The following RASGRF2 variants were observed in gnomAD, a reference collection of about 807,000 sequenced individuals.
RASGRF2 encodes Ras protein specific guanine nucleotide releasing factor 2, also known as ras-specific guanine nucleotide-releasing factor 2.
In RASGRF2, 76 loss-of-function variants were observed where a neutral mutation model predicts 151.0. The ratio of observed to expected loss-of-function variants is 0.50; its 90% CI spans 0.42 to 0.61. The LOEUF is 0.61. Among genes scored for constraint, RASGRF2 ranks in the 20% least tolerant of loss-of-function variants. The probability of loss-of-function intolerance (pLI) is 0.00; values close to 1 mark genes in which losing one functional copy is unlikely to be tolerated. For missense variants in RASGRF2, 1,148 were observed against 1,564.6 expected (o/e 0.73, Z 4.49); for synonymous variants, 504 against 566.5 (o/e 0.89, Z 1.57).
At chr5:81,068,410 G>A (rs114567868) in intron 3 of RASGRF2, among the ~76,000 whole-genome samples, 3,578 of 149,668 alleles carry the variant, frequency 0.024, 52 homozygotes, top group Non-Finnish European at 0.038. Context: ...TTTTTTTGGT[G>A]GGGGGTGGTT....
chr5:80,991,645 A>G (rs376468182), intron 1 of RASGRF2, among the ~76,000 whole-genome samples: 16 of 152,304 alleles, frequency 1.1e-4, no homozygotes, highest in East Asian at 7.7e-4. Flanking sequence ...TTTAATATCA[A>G]TGAGATGTAT....
intron 18 of RASGRF2, among the ~76,000 whole-genome samples, chr5:81,194,748 C>G (rs938015138): frequency 6.6e-6 from 1 of 152,160 alleles, no homozygotes; most frequent in Non-Finnish European, 1.5e-5. Flanking sequence ...CCAAGGGGGG[C>G]CCCTTGCAGA....
intron 19 of RASGRF2, among the ~76,000 whole-genome samples, chr5:81,205,148 A>C (rs58953807): frequency 0.14 from 20,555 of 152,120 alleles, 1,475 homozygotes; most frequent in Admixed American, 0.17. Flanking sequence ...TAAAATGACT[A>C]TTTCTTTCTA....
chr5:80,980,218 C>T (rs1748253285), intron 1 of RASGRF2, among the ~76,000 whole-genome samples: 1 of 152,188 alleles, frequency 6.6e-6, no homozygotes, highest in Admixed American at 6.5e-5. Context: ...GCTGTCTTGC[C>T]TCCTCGGACT....
chr5:80,973,894 G>A (rs1471639954), intron 1 of RASGRF2, among the ~76,000 whole-genome samples: 1 of 152,194 alleles, frequency 6.6e-6, no homozygotes, highest in African/African-American at 2.4e-5. Flanking sequence ...CAATGGTGTG[G>A]CTGGAAACAG....
chr5:81,045,193 A>G (rs573177121), intron 2 of RASGRF2, among the ~76,000 whole-genome samples: 13 of 152,326 alleles, frequency 8.5e-5, no homozygotes, highest in Admixed American at 3.9e-4. Context: ...TTCCAGACAC[A>G]ATCTTTTCCT....
chr5:81,020,618 AAAG>A (rs1471240107), intron 1 of RASGRF2, among the ~76,000 whole-genome samples: 4 of 152,184 alleles, frequency 2.6e-5, no homozygotes, highest in Non-Finnish European at 5.9e-5. Flanking sequence ...CAGTGTGAGA[AAAG>A]AAGGTGCAGA....
intron 17 of RASGRF2, among the ~76,000 whole-genome samples, chr5:81,128,666 G>A (rs1422169608): frequency 1.3e-5 from 2 of 152,154 alleles, no homozygotes; most frequent in Non-Finnish European, 2.9e-5. Flanking sequence ...TGCTTTAGCT[G>A]ACTCATAATT....
intron 11 of RASGRF2, 75 bp from the exon 12 acceptor site, chr5:81,094,776 AAATAG>A (rs1451936390): frequency 6.9e-7 from 1 of 1,444,550 alleles, no homozygotes; most frequent in Non-Finnish European, 9.6e-7. Context: ...TGGATTGTAT[AAATAG>A]AATAATGTGA....
chr5:81,162,959 T>C (rs1050445126), intron 17 of RASGRF2, among the ~76,000 whole-genome samples: 1 of 151,922 alleles, frequency 6.6e-6, no homozygotes, highest in African/African-American at 2.4e-5. Context: ...CCGTGTGCAA[T>C]TGGCCCATCA....
intron 2 of RASGRF2, among the ~76,000 whole-genome samples, chr5:81,053,539 G>A (rs916316873): frequency 6.6e-6 from 1 of 152,034 alleles, no homozygotes; most frequent in South Asian, 2.1e-4. Flanking sequence ...TGGACATTTG[G>A]GTTGGTTCCG....
intron 18 of RASGRF2, among the ~76,000 whole-genome samples, chr5:81,190,744 A>G (rs536229841): frequency 6.6e-6 from 1 of 152,324 alleles, no homozygotes; most frequent in South Asian, 2.1e-4. Context: ...CTCTCCTTAC[A>G]GTGAGACATT....
intron 1 of RASGRF2, among the ~76,000 whole-genome samples, chr5:80,983,370 G>A (rs371805412): frequency 6.6e-6 from 1 of 152,196 alleles, no homozygotes; most frequent in Non-Finnish European, 1.5e-5. Flanking sequence ...GCGATGACTT[G>A]GGCTCTCTGC....
At chr5:81,066,810 G>T (rs1751620312) in intron 2 of RASGRF2, among the ~76,000 whole-genome samples, 1 of 152,226 alleles carries the variant, frequency 6.6e-6, no homozygotes, top group South Asian at 2.1e-4. Flanking sequence ...ATTTGGTTTA[G>T]CTTGCACCAG....
chr5:81,127,698 C>T (rs185900337), intron 17 of RASGRF2, among the ~76,000 whole-genome samples: 2 of 151,562 alleles, frequency 1.3e-5, no homozygotes, highest in East Asian at 2.0e-4. Context: ...CCGAGGCAAG[C>T]GGATCACCTG....
chr5:81,123,862 AT>A (rs1209154006), intron 16 of RASGRF2, 95 bp downstream of exon 16: 29 of 1,408,240 alleles, frequency 2.1e-5, no homozygotes, highest in Non-Finnish European at 2.8e-5. Context: ...TGCCAAAATA[AT>A]TTTTTTAGTC....
Position 81,172,533 on chromosome 5 carries a change from G to T in RASGRF2, c.2687-7642G>T, listed in dbSNP as rs61213907. 2.6e-4 allele frequency among the ~76,000 whole-genome samples: 40 copies of T among 151,630 alleles called. 1 individual carries two copies. Among genetic ancestry groups the T allele is most frequent in the East Asian group, 2.2e-3 (11 of 5,116 alleles). ...CTCAGGTTAACCTGAGTAAGGAGAT[G>T]AACTTAAAAACTGAAGGATAAGAAC... On this transcript the variant is annotated intron_variant, in intron 17 of 26. Transcript: ENST00000265080.
chr5:81,216,394 C>A (rs1026880040), intron 24 of RASGRF2, among the ~76,000 whole-genome samples: 4 of 147,650 alleles, frequency 2.7e-5, no homozygotes, highest in Non-Finnish European at 4.5e-5. Flanking sequence ...CAAACACACA[C>A]ACACGCAGAG....
chr5:81,200,942 G>T (rs1297250531), intron 18 of RASGRF2, among the ~76,000 whole-genome samples: 1 of 152,080 alleles, frequency 6.6e-6, no homozygotes, highest in Non-Finnish European at 1.5e-5. Flanking sequence ...TGTTGGGGGC[G>T]TGGTGTGTGT....
Sources: gnomAD v4.1 joint callset for allele counts (sites outside exome capture counted in the v4.1 genomes callset) on GRCh38, gnomAD v4.1.1 for gene constraint, MANE v1.5 for transcripts, NCBI Gene and HGNC (gene_info 2026-07-23, HGNC 2026-07-21) for gene names.